MYCT1: variants seen among roughly 807,000 people sequenced by gnomAD.
The protein encoded by MYCT1 is myc target protein 1.
MYCT1 carries 12 observed loss-of-function variants against 15.0 expected under a neutral mutation model. That is an observed-to-expected ratio of 0.80 (90% confidence interval 0.51 to 1.29). The LOEUF is 1.29. MYCT1 is among the 50% of genes most tolerant of loss of function. The probability of loss-of-function intolerance (pLI) is 0.00; values close to 1 mark genes in which losing one functional copy is unlikely to be tolerated. For missense variants in MYCT1, 287 were observed against 279.1 expected (o/e 1.03, Z -0.20); for synonymous variants, 104 against 102.7 (o/e 1.01, Z -0.07).
rs548582050 is a variant in MYCT1 at position 152,707,814 on chromosome 6, G to T, written c.196+9716G>T. On this transcript the variant is annotated intron_variant, in intron 1 of 1. Transcript: ENST00000367245. Reference sequence around the variant, plus strand: ...AAATACCAATTGTCACAAATGCATGGATTTATTACTGGGCTTCCTCCCTAT... The same window carrying T: ...AAATACCAATTGTCACAAATGCATGTATTTATTACTGGGCTTCCTCCCTAT... 4.6e-5 allele frequency among the ~76,000 whole-genome samples: 7 copies of T among 152,092 alleles called. No individual in the cohort carries two copies. In the South Asian group the frequency reaches 8.3e-4, roughly 18 times the overall value.
chr6:152,728,023 G>A (rs1407320165), downstream of MYCT1, among the ~76,000 whole-genome samples: 1 of 152,064 alleles, frequency 6.6e-6, no homozygotes, highest in Admixed American at 6.5e-5. Flanking sequence ...AATTAGCCAG[G>A]CGTGGTGGTG....
rs183533403 is a variant in MYCT1 at position 152,698,557 on chromosome 6, T to C, written c.196+459T>C. Among the ~76,000 whole-genome samples, 4 of 152,298 alleles carry C rather than the reference T, an allele frequency of 2.6e-5. No individual in the cohort carries two copies. The East Asian group carries it at 7.7e-4, about 29-fold the overall frequency. ...TTTCCATAGAGGCTATTTTCACTTA[T>C]GTTGTGAATGTTATATGCTTTAATT... On this transcript the variant is annotated intron_variant, in intron 1 of 1. Transcript: ENST00000367245.
chr6:152,721,980 G>C lies in MYCT1; in HGVS notation c.435G>C (p.Gln145His), dbSNP rs201543072. The C allele has an allele frequency of 1.3e-5, 21 of 1,614,168 alleles. No homozygotes were observed. Among genetic ancestry groups the C allele is most frequent in the Non-Finnish European group, 1.4e-5 (17 of 1,180,024 alleles). The change falls in exon 2 of 2, where the codon CAG becomes CAC. Residue 145 changes from glutamine to histidine, a missense_variant. By Grantham distance (24) the Gln-to-His change is conservative (BLOSUM62 0). Transcript: ENST00000367245. ...SNLSLASLTF[Q>H]RQASLEQANS... The stretch of plus-strand genomic sequence containing the variant: ...TCAGCCTGGCCAGTCTCACCTTCCA[G>C]CGACAAGCTTCCCTGGAACAAGCAA...
In MYCT1 at chr6:152,723,484, G is replaced by C. The variant is rs990126639; in HGVS notation, c.*1231G>C. Reference sequence around the variant, plus strand: ...GCAGACAAATAAGTATGAGTCACTGGGGAGAGAGTTTGTTATTGAAATAGA... The same window carrying C: ...GCAGACAAATAAGTATGAGTCACTGCGGAGAGAGTTTGTTATTGAAATAGA... On this transcript the variant is annotated 3_prime_UTR_variant, in exon 2 of 2. Coordinates refer to ENST00000367245, the MANE Select transcript of MYCT1 (RefSeq NM_025107.3). The C allele has an allele frequency of 6.6e-6, 1 of 152,140 alleles. No homozygotes were observed. The highest frequency in any genetic ancestry group is 1.5e-5 in the Non-Finnish European group (1 of 68,034). The allele number at this position is 152,140 out of a possible 1,614,324, so 9.4% of individuals were successfully genotyped here.
At chr6:152,732,511 C>T in the MYCT1 span, among the ~76,000 whole-genome samples, 14 of 152,058 alleles carry the variant, frequency 9.2e-5, no homozygotes, top group East Asian at 9.7e-4. Context: ...AATGAAATAG[C>T]GGCATGCAAT....
At position 152,722,796 on chromosome 6, in the gene MYCT1, T is replaced by C; in HGVS notation, c.*543T>C. On this transcript the variant is annotated 3_prime_UTR_variant, in exon 2 of 2. Transcript: ENST00000367245. ...TCCGTCGCCCAGGCGGGAGTTGCAG[T>C]AGCATGATCAGGACTCACTGCAGCC... The C allele has an allele frequency of 2.4e-6, 1 of 410,068 alleles. No homozygotes were observed. The highest frequency in any genetic ancestry group is 4.8e-6 in the Non-Finnish European group (1 of 207,534). 25.4% of individuals were successfully genotyped at this position (410,068 alleles called of 1,614,324 possible).
chr6:152,716,219 T>A lies in MYCT1; in HGVS notation c.197-5523T>A, dbSNP rs187429682. 2.0e-5 allele frequency among the ~76,000 whole-genome samples: 3 copies of A among 152,158 alleles called. 1 individual carries two copies. In the South Asian group the frequency reaches 6.2e-4, roughly 31 times the overall value. The stretch of plus-strand genomic sequence containing the variant: ...CAATAAGATGTTCTGGCACATGAGA[T>A]ATAATGGAAAATACTCCTCGGCTGT... On this transcript the variant is annotated intron_variant, in intron 1 of 1. Transcript: ENST00000367245.
chr6:152,731,862 C>T, the MYCT1 span, among the ~76,000 whole-genome samples: 2 of 151,974 alleles, frequency 1.3e-5, no homozygotes, highest in African/African-American at 2.4e-5. Context: ...ATCCTCCCAC[C>T]TCAGCCTCCC....
chr6:152,727,664 A>C (rs2099725903), downstream of MYCT1, among the ~76,000 whole-genome samples: 1 of 152,188 alleles, frequency 6.6e-6, no homozygotes, highest in African/African-American at 2.4e-5. Flanking sequence ...GAAAGGATAG[A>C]TGCAAGTTCC....
chr6:152,726,459 A>T (rs1281503987), downstream of MYCT1, among the ~76,000 whole-genome samples: 1 of 151,040 alleles, frequency 6.6e-6, no homozygotes, highest in Non-Finnish European at 1.5e-5. Context: ...AGACACTGGG[A>T]TAGTTCTACC....
downstream of MYCT1, among the ~76,000 whole-genome samples, chr6:152,727,830 G>A (rs1178381853): frequency 1.3e-5 from 2 of 152,158 alleles, no homozygotes; most frequent in Non-Finnish European, 2.9e-5. Context: ...GAGTGCCAGG[G>A]ACTCAGGGAC....
the MYCT1 span, among the ~76,000 whole-genome samples, chr6:152,736,876 C>T: frequency 2.8e-3 from 424 of 152,066 alleles, 5 homozygotes; most frequent in African/African-American, 9.9e-3. Context: ...TGATTTAGTG[C>T]TAATTGGTAG....
chr6:152,732,601 C>A, the MYCT1 span, among the ~76,000 whole-genome samples: 1 of 152,080 alleles, frequency 6.6e-6, no homozygotes, highest in Non-Finnish European at 1.5e-5. Context: ...ATTTCAGATT[C>A]TTTTAATTTT....
chr6:152,729,842 G>A, the MYCT1 span, among the ~76,000 whole-genome samples: 1 of 152,204 alleles, frequency 6.6e-6, no homozygotes, highest in Non-Finnish European at 1.5e-5. Flanking sequence ...TGGGCAAATG[G>A]CAGACTTGGG....
chr6:152,719,293 G>C (rs2099724280), intron 1 of MYCT1, among the ~76,000 whole-genome samples: 1 of 152,150 alleles, frequency 6.6e-6, no homozygotes, highest in Non-Finnish European at 1.5e-5. Context: ...CTCTGGTATT[G>C]AATCGACCAA....
chr6:152,728,167 A>AGG (rs2099725981), downstream of MYCT1, among the ~76,000 whole-genome samples: 2 of 150,096 alleles, frequency 1.3e-5, no homozygotes, highest in South Asian at 2.1e-4. Flanking sequence ...CTGTCTGGAA[A>AGG]AAAAAAAAAA....
At chr6:152,738,547 A>G in the MYCT1 span, among the ~76,000 whole-genome samples, 1 of 152,134 alleles carries the variant, frequency 6.6e-6, no homozygotes, top group Non-Finnish European at 1.5e-5. Context: ...CTCGTTAACT[A>G]AATGACACTC....
chr6:152,733,120 T>G, the MYCT1 span, among the ~76,000 whole-genome samples: 4 of 152,206 alleles, frequency 2.6e-5, no homozygotes, highest in South Asian at 8.3e-4. Context: ...TTCTTTGTTT[T>G]TGAGACAGTG....
rs188309754 is a variant in MYCT1 at position 152,720,435 on chromosome 6, T to C, written c.197-1307T>C. The stretch of plus-strand genomic sequence containing the variant: ...CGTTTGTGGCTATTTTCTCCTCCTC[T>C]TCCCCAGTCTCACAACACCCATCAG... On this transcript the variant is annotated intron_variant, in intron 1 of 1. Transcript: ENST00000367245. Among the ~76,000 whole-genome samples, 140 of 152,238 alleles carry C rather than the reference T, an allele frequency of 9.2e-4. No individual in the cohort carries two copies. The Middle Eastern group carries it at 0.014, about 15-fold the overall frequency.
Sources: allele counts gnomAD v4.1 joint callset (sites outside exome capture counted in the v4.1 genomes callset), GRCh38; gene constraint gnomAD v4.1.1; transcripts MANE v1.5; gene names NCBI Gene and HGNC (gene_info 2026-07-23, HGNC 2026-07-21).